Variants in SPATA17 observed in about 807,000 individuals in gnomAD.
SPATA17 encodes the protein spermatogenesis associated 17.
Under a neutral mutation model 62.2 loss-of-function variants are expected in SPATA17, and 53 were observed. That is an observed-to-expected ratio of 0.85 (90% confidence interval 0.68 to 1.07). SPATA17 has a LOEUF of 1.07. Ranked by LOEUF, SPATA17 falls within the 50% of genes least tolerant of loss-of-function variation. The pLI, the probability that SPATA17 is intolerant of heterozygous loss-of-function variation, is 0.00. For missense variants in SPATA17, 466 were observed against 425.5 expected (o/e 1.10, Z -0.84); for synonymous variants, 146 against 146.8 (o/e 0.99, Z 0.04).
intron 5 of SPATA17, among the ~76,000 whole-genome samples, chr1:217,701,725 C>G (rs1671603748): frequency 6.6e-6 from 1 of 152,022 alleles, no homozygotes; most frequent in African/African-American, 2.4e-5. Context: ...TTAGATTTGC[C>G]TGGTATTATG....
At chr1:217,668,271 G>A (rs1323163414) in intron 3 of SPATA17, among the ~76,000 whole-genome samples, 1 of 151,928 alleles carries the variant, frequency 6.6e-6, no homozygotes, top group African/African-American at 2.4e-5. Flanking sequence ...GAGCAGATGG[G>A]GAAGCTTAAT....
chr1:217,862,207 C>CT (rs1675910582), intron 9 of SPATA17, among the ~76,000 whole-genome samples: 1 of 152,140 alleles, frequency 6.6e-6, no homozygotes, highest in African/African-American at 2.4e-5. Flanking sequence ...CTTTTAATGA[C>CT]TTCACCTGTT....
At chr1:217,654,323 A>G (rs796853629) in intron 3 of SPATA17, among the ~76,000 whole-genome samples, 4 of 151,906 alleles carry the variant, frequency 2.6e-5, no homozygotes, top group South Asian at 2.1e-4. Context: ...TGTTTTTGGT[A>G]TAGACAGGGT....
chr1:217,682,996 T>C (rs1047042236), intron 4 of SPATA17, among the ~76,000 whole-genome samples: 2 of 151,934 alleles, frequency 1.3e-5, no homozygotes, highest in African/African-American at 2.4e-5. Flanking sequence ...AATCTTTCAA[T>C]AGTTTAGTAT....
At chr1:217,829,392 C>A (rs1180031969) in intron 9 of SPATA17, among the ~76,000 whole-genome samples, 1 of 151,868 alleles carries the variant, frequency 6.6e-6, no homozygotes, top group Non-Finnish European at 1.5e-5. Flanking sequence ...CTTTGGGAGG[C>A]CAAGGAGGCT....
At chr1:217,763,794 G>A (rs1047174103) in intron 6 of SPATA17, among the ~76,000 whole-genome samples, 15 of 152,096 alleles carry the variant, frequency 9.9e-5, no homozygotes, top group African/African-American at 2.2e-4. Flanking sequence ...AATAGAACTC[G>A]TTAGTGGGTT....
intron 9 of SPATA17, among the ~76,000 whole-genome samples, chr1:217,839,274 G>A (rs1455741717): frequency 6.6e-6 from 1 of 152,038 alleles, no homozygotes; most frequent in Non-Finnish European, 1.5e-5. Context: ...TGAAGTCTGA[G>A]GGACCCTGTT....
At chr1:217,774,561 T>C in intron 7 of SPATA17, 24 bp downstream of exon 7, 1 of 1,597,466 alleles carries the variant, frequency 6.3e-7, no homozygotes, top group Non-Finnish European at 8.6e-7. Flanking sequence ...GTATAAGAAT[T>C]CTGTCATTAA....
chr1:217,748,351 T>C (rs1482405083), intron 6 of SPATA17, among the ~76,000 whole-genome samples: 1 of 151,464 alleles, frequency 6.6e-6, no homozygotes, highest in Non-Finnish European at 1.5e-5. Flanking sequence ...TAATTGATAG[T>C]CTGTTGATAT....
intron 5 of SPATA17, among the ~76,000 whole-genome samples, chr1:217,707,079 C>T (rs568721701): frequency 6.6e-6 from 1 of 152,208 alleles, no homozygotes; most frequent in East Asian, 1.9e-4. Context: ...ATTGGTCCGG[C>T]TTGTCTTGAA....
intron 6 of SPATA17, among the ~76,000 whole-genome samples, chr1:217,764,659 G>A (rs991500428): frequency 5.9e-5 from 9 of 152,092 alleles, no homozygotes; most frequent in Non-Finnish European, 8.8e-5. Context: ...GTATTCCAAA[G>A]TGCCTGTATC....
intron 2 of SPATA17, 31 bp from the exon 3 acceptor site, chr1:217,651,066 G>A (rs1670301826): frequency 2.0e-6 from 3 of 1,489,914 alleles, no homozygotes. Flanking sequence ...TCAATGAAAG[G>A]ATACTAATAA....
chr1:217,698,393 C>T (rs1671511173), intron 5 of SPATA17, among the ~76,000 whole-genome samples: 1 of 151,814 alleles, frequency 6.6e-6, no homozygotes. Flanking sequence ...GAGGTTGTGC[C>T]ACTGCACTCC....
At chr1:217,712,248 T>C (rs1000937189) in intron 5 of SPATA17, among the ~76,000 whole-genome samples, 1 of 150,874 alleles carries the variant, frequency 6.6e-6, no homozygotes, top group African/African-American at 2.4e-5. Flanking sequence ...TGCCTCAGCC[T>C]CCTGAGTAGC....
chr1:217,696,673 A>G (rs1249498903), intron 5 of SPATA17, among the ~76,000 whole-genome samples: 1 of 152,120 alleles, frequency 6.6e-6, no homozygotes, highest in African/African-American at 2.4e-5. Flanking sequence ...GGTTGTTTGT[A>G]TCATATTTCC....
intron 9 of SPATA17, among the ~76,000 whole-genome samples, chr1:217,806,738 A>G (rs968750005): frequency 9.2e-5 from 14 of 152,076 alleles, no homozygotes; most frequent in Non-Finnish European, 1.6e-4. Flanking sequence ...TTTTTTAGCA[A>G]TATGTTCCTA....
In SPATA17 at chr1:217,871,068, A is replaced by T. The variant is rs1052918795; in HGVS notation, c.*4049A>T. ...ACTAGTCTCACTAATTTATAGTTAT[A>T]TATGATGTAGATCTAGATTGTGATG... On this transcript the variant is annotated 3_prime_UTR_variant, in exon 11 of 11. Transcript: ENST00000366933. 1.3e-5 allele frequency: 2 copies of T among 152,212 alleles called. No homozygotes were observed. Among genetic ancestry groups the T allele is most frequent in the African/African-American group, 4.8e-5 (2 of 41,462 alleles). 9.4% of individuals were successfully genotyped at this position (152,212 alleles called of 1,614,324 possible).
At chr1:217,858,756 G>A (rs939234166) in intron 9 of SPATA17, among the ~76,000 whole-genome samples, 8 of 152,212 alleles carry the variant, frequency 5.3e-5, no homozygotes, top group Admixed American at 1.3e-4. Flanking sequence ...ATAGCCGGGC[G>A]TGGTGGCTCA....
At chr1:217,672,203 A>G (rs1481019596) in intron 4 of SPATA17, among the ~76,000 whole-genome samples, 1 of 152,204 alleles carries the variant, frequency 6.6e-6, no homozygotes, top group Non-Finnish European at 1.5e-5. Context: ...TCCTAATTGG[A>G]TACCAGTAGC....
Sources: gnomAD v4.1 joint callset for allele counts (sites outside exome capture counted in the v4.1 genomes callset) on GRCh38, gnomAD v4.1.1 for gene constraint, MANE v1.5 for transcripts, NCBI Gene and HGNC (gene_info 2026-07-23, HGNC 2026-07-21) for gene names.